Variants in ZFAT observed in about 807,000 individuals in gnomAD.
ZFAT encodes the protein zinc finger protein ZFAT.
Under a neutral mutation model 117.7 loss-of-function variants are expected in ZFAT, and 64 were observed. That is an observed-to-expected ratio of 0.54 (90% CI 0.44 to 0.67). The LOEUF is 0.67. Ranked by LOEUF, ZFAT falls within the 30% of genes least tolerant of loss-of-function variation. ZFAT has a pLI of 0.00. For missense variants in ZFAT, 1,433 were observed against 1,584.5 expected (o/e 0.90, Z 1.62); for synonymous variants, 679 against 615.0 (o/e 1.10, Z -1.54).
At chr8:134,761,980 GTA>G in the ZFAT span, among the ~76,000 whole-genome samples, 2 of 107,610 alleles carry the variant, frequency 1.9e-5, no homozygotes, top group Non-Finnish European at 1.9e-5. Context: ...CTTTCTCTCT[GTA>G]TGTGTGTGTG....
chr8:134,561,030 G>A (rs1824011002), intron 11 of ZFAT, among the ~76,000 whole-genome samples: 1 of 152,216 alleles, frequency 6.6e-6, no homozygotes, highest in African/African-American at 2.4e-5. Context: ...TTTACTATTT[G>A]TGAATTCTCA....
chr8:134,649,251 T>C (rs1211590627), intron 2 of ZFAT, among the ~76,000 whole-genome samples: 1 of 151,048 alleles, frequency 6.6e-6, no homozygotes, highest in Non-Finnish European at 1.5e-5. Context: ...CCTAAGATAG[T>C]ATCAGAACAA....
intron 3 of ZFAT, among the ~76,000 whole-genome samples, chr8:134,619,660 AG>A (rs778238153): frequency 6.6e-6 from 1 of 152,208 alleles, no homozygotes; most frequent in Non-Finnish European, 1.5e-5. Context: ...AAAGACAGGA[AG>A]GGCCTCCAAC....
At position 134,602,740 on chromosome 8, in the gene ZFAT, C is replaced by T. The variant is rs79889362; in HGVS notation, c.979G>A (p.Ala327Thr). 6.8e-6 allele frequency: 11 copies of T among 1,611,698 alleles called. No homozygotes were observed. The highest frequency in any genetic ancestry group is 2.2e-5 in the East Asian group (1 of 44,854). The stretch of plus-strand genomic sequence containing the variant: ...CAGGTGAACGAGCAATAGTCGCAGG[C>T]GAACTTCTCTCCAGTGTGCTTGCGC... ...HLRKHTGEKFACDYCSFTCLS... is the reference protein window; with the variant it reads ...HLRKHTGEKFTCDYCSFTCLS... Residue 327 changes from alanine (A) to threonine (T), a missense_variant, in exon 6 of 16, where the codon GCC (alanine) becomes ACC (threonine). By Grantham distance (58) the Ala-to-Thr change is moderately conservative (BLOSUM62 0). This residue lies in a region of ZFAT where 436 missense variants were observed against 482.0 expected (regional missense o/e 0.90). Transcript: ENST00000377838.
chr8:134,505,836 T>C (rs964598863), intron 15 of ZFAT, among the ~76,000 whole-genome samples: 2 of 152,254 alleles, frequency 1.3e-5, no homozygotes, highest in African/African-American at 4.8e-5. Context: ...ACAGTATCAG[T>C]TTGTGTTGTT....
chr8:134,571,058 G>T (rs947716843), intron 10 of ZFAT, among the ~76,000 whole-genome samples: 6 of 152,026 alleles, frequency 3.9e-5, no homozygotes, highest in African/African-American at 1.5e-4. Flanking sequence ...GAGCATTCAC[G>T]GAGGGGCTGC....
chr8:134,662,136 G>C (rs1472243072), intron 1 of ZFAT, among the ~76,000 whole-genome samples: 5 of 152,154 alleles, frequency 3.3e-5, no homozygotes, highest in African/African-American at 1.2e-4. Flanking sequence ...TTCATAGCTG[G>C]TGCCTTCTTG....
chr8:134,513,793 T>C (rs926699394), intron 13 of ZFAT, among the ~76,000 whole-genome samples: 8 of 152,170 alleles, frequency 5.3e-5, no homozygotes, highest in African/African-American at 1.7e-4. Flanking sequence ...TATCAGTAAA[T>C]GACATAGAGG....
At chr8:134,575,778 G>A (rs1286631173) in intron 10 of ZFAT, among the ~76,000 whole-genome samples, 2 of 152,152 alleles carry the variant, frequency 1.3e-5, no homozygotes, top group Admixed American at 6.5e-5. Flanking sequence ...TAAGAAAAGC[G>A]TCCTGCAGGA....
chr8:134,694,195 A>C (rs550927175), intron 1 of ZFAT, among the ~76,000 whole-genome samples: 54 of 152,328 alleles, frequency 3.5e-4, no homozygotes, highest in African/African-American at 1.1e-3. Context: ...GGAATGAGGC[A>C]CGTGGCTGAG....
intron 10 of ZFAT, among the ~76,000 whole-genome samples, chr8:134,578,593 G>C (rs746814815): frequency 1.3e-5 from 2 of 152,050 alleles, no homozygotes; most frequent in Non-Finnish European, 2.9e-5. Flanking sequence ...GGCACGACCT[G>C]GCCTTTGTTT....
chr8:134,730,947 G>T, the ZFAT span, among the ~76,000 whole-genome samples: 1 of 152,216 alleles, frequency 6.6e-6, no homozygotes, highest in Non-Finnish European at 1.5e-5. Flanking sequence ...TAAGAGATCA[G>T]AAGTATCCAA....
At chr8:134,500,973 C>T (rs1468230320) in intron 15 of ZFAT, among the ~76,000 whole-genome samples, 1 of 152,210 alleles carries the variant, frequency 6.6e-6, no homozygotes, top group African/African-American at 2.4e-5. Flanking sequence ...ATAAATTGCA[C>T]TGCAGAGTTC....
chr8:134,600,520 C>A lies in ZFAT; in HGVS notation c.2391G>T (p.Leu797Phe). The stretch of plus-strand genomic sequence containing the variant: ...CACAGCCATCGGTGGGACACTTCAG[C>A]AAGATGTTACTGTGTTTCTGAATTA... ...RHVIQKHSNI[L>F]LKCPTDGCDY... Residue 797 changes from leucine to phenylalanine, a missense_variant, in exon 7 of 16, where the codon TTG becomes TTT. Transcript: ENST00000377838. 1 of 1,614,162 alleles carries A rather than the reference C, an allele frequency of 6.2e-7. No homozygotes were observed. The highest frequency in any genetic ancestry group is 8.5e-7 in the Non-Finnish European group (1 of 1,180,034).
At chr8:134,511,478 T>C (rs561417215) in intron 14 of ZFAT, among the ~76,000 whole-genome samples, 2 of 152,318 alleles carry the variant, frequency 1.3e-5, no homozygotes, top group South Asian at 4.1e-4. Flanking sequence ...CACAGCCCTG[T>C]CCATTAATCT....
chr8:134,745,294 C>T, the ZFAT span, among the ~76,000 whole-genome samples: 5 of 152,138 alleles, frequency 3.3e-5, no homozygotes, highest in Admixed American at 6.5e-5. Flanking sequence ...CGTGCAATGC[C>T]AAGCAGGATC....
the ZFAT span, among the ~76,000 whole-genome samples, chr8:134,758,979 C>A: frequency 6.6e-6 from 1 of 151,986 alleles, no homozygotes; most frequent in Non-Finnish European, 1.5e-5. Flanking sequence ...GATCCACAGC[C>A]CATCACTGCC....
At chr8:134,682,006 G>C (rs1563759036) in intron 1 of ZFAT, among the ~76,000 whole-genome samples, 1 of 152,094 alleles carries the variant, frequency 6.6e-6, no homozygotes, top group South Asian at 2.1e-4. Context: ...CTTTTAATCA[G>C]CTGTGAATAA....
intron 3 of ZFAT, among the ~76,000 whole-genome samples, chr8:134,617,285 A>AC (rs1828816390): frequency 6.6e-6 from 1 of 151,890 alleles, no homozygotes. Flanking sequence ...GAAAACCCCT[A>AC]CCTCCACATT....
Sources: gnomAD v4.1 joint callset for allele counts (sites outside exome capture counted in the v4.1 genomes callset) on GRCh38, gnomAD v4.1.1 for gene constraint, gnomAD v4.1.1 regional missense constraint, MANE v1.5 for transcripts, NCBI Gene and HGNC (gene_info 2026-07-23, HGNC 2026-07-21) for gene names.